The following STIM1 variants were observed in gnomAD, a reference collection of about 807,000 sequenced individuals.
The protein encoded by STIM1 is stromal interaction molecule 1.
STIM1 carries 25 observed loss-of-function variants against 74.7 expected under a neutral mutation model. That is an observed-to-expected ratio of 0.33 (90% confidence interval 0.24 to 0.47). STIM1 has a LOEUF of 0.47. Among genes scored for constraint, STIM1 ranks in the 20% least tolerant of loss-of-function variants. The probability of loss-of-function intolerance (pLI) is 1.00; values close to 1 mark genes in which losing one functional copy is unlikely to be tolerated. For missense variants in STIM1, 728 were observed against 920.8 expected, an observed-to-expected ratio of 0.79 and a Z score of 2.71; for synonymous variants, 328 against 348.8, an observed-to-expected ratio of 0.94 and a Z score of 0.66.
intron 1 of STIM1, among the ~76,000 whole-genome samples, chr11:3,960,997 C>T (rs2093279120): frequency 6.6e-6 from 1 of 151,896 alleles, no homozygotes; most frequent in Non-Finnish European, 1.5e-5. Flanking sequence ...ATCACCATGT[C>T]CCTGAAAGGT....
chr11:4,059,194 G>T lies in STIM1; in HGVS notation c.498-87G>T. 4 of 1,147,854 alleles carry T rather than the reference G, an allele frequency of 3.5e-6. No individual in the cohort carries two copies. The Admixed American group carries it at 7.1e-5, about 20-fold the overall frequency. The allele number at this position is 1,147,854 out of a possible 1,614,324, so 71.1% of individuals were successfully genotyped here. Reference sequence around the variant, plus strand: ...GGGGAGCAATCACCAAGAGCTAGAAGTGTTCCTGGGGGAGGCGGGTAATCC... The same window carrying T: ...GGGGAGCAATCACCAAGAGCTAGAATTGTTCCTGGGGGAGGCGGGTAATCC... On this transcript the variant is annotated intron_variant, in intron 4 of 12. Transcript: ENST00000526596.
At position 3,945,076 on chromosome 11, in the gene STIM1, C is replaced by G. The variant is rs549752146; in HGVS notation, c.140-22476C>G. Among the ~76,000 whole-genome samples the G allele has an allele frequency of 2.0e-5, 3 of 152,298 alleles. No homozygotes were observed. The South Asian group carries it at 6.2e-4, about 32-fold the overall frequency. On this transcript the variant is annotated intron_variant, in intron 1 of 12. Transcript: ENST00000526596. The stretch of plus-strand genomic sequence containing the variant: ...CTATTAGGAGTATAGGCTTTGGAGT[C>G]AAGCTGCCTGGGTTTGAATCCTTAC...
chr11:3,972,691 C>A (rs879504970), intron 2 of STIM1, among the ~76,000 whole-genome samples: 2 of 152,096 alleles, frequency 1.3e-5, no homozygotes, highest in Non-Finnish European at 2.9e-5. Context: ...TTCTTTGTAG[C>A]AGCTAGGCCC....
At chr11:3,971,385 C>T (rs188772010) in intron 2 of STIM1, among the ~76,000 whole-genome samples, 61 of 152,166 alleles carry the variant, frequency 4.0e-4, no homozygotes, top group African/African-American at 1.3e-3. Flanking sequence ...AAAAATTCTC[C>T]GGGCGTGGTG....
At chr11:3,920,425 A>T (rs1247613153) in intron 1 of STIM1, among the ~76,000 whole-genome samples, 1 of 152,162 alleles carries the variant, frequency 6.6e-6, no homozygotes, top group East Asian at 1.9e-4. Flanking sequence ...GAATTTGCCT[A>T]TTCTGAACAT....
chr11:4,033,837 G>A (rs992708794), intron 3 of STIM1, among the ~76,000 whole-genome samples: 3 of 151,898 alleles, frequency 2.0e-5, no homozygotes, highest in African/African-American at 7.2e-5. Flanking sequence ...CTGACCTCGT[G>A]ATCTGCCCGC....
intron 1 of STIM1, among the ~76,000 whole-genome samples, chr11:3,899,174 T>C (rs1441797597): frequency 2.0e-5 from 3 of 152,212 alleles, no homozygotes; most frequent in Non-Finnish European, 4.4e-5. Flanking sequence ...CATTTGTTTG[T>C]ATCCTCTTTT....
At chr11:4,048,576 C>A (rs1383558479) in intron 3 of STIM1, among the ~76,000 whole-genome samples, 3 of 152,138 alleles carry the variant, frequency 2.0e-5, no homozygotes, top group African/African-American at 7.2e-5. Flanking sequence ...AACTTTGATT[C>A]ATGATCTCAT....
At chr11:3,971,400 G>A (rs919898526) in intron 2 of STIM1, among the ~76,000 whole-genome samples, 13 of 152,150 alleles carry the variant, frequency 8.5e-5, no homozygotes, top group African/African-American at 3.1e-4. Flanking sequence ...GTGGTGGCGG[G>A]CGCCTGTAGT....
intron 1 of STIM1, among the ~76,000 whole-genome samples, chr11:3,881,724 C>T (rs1590521790): frequency 6.6e-6 from 1 of 151,664 alleles, no homozygotes; most frequent in African/African-American, 2.4e-5. Flanking sequence ...CGCTCTGTAG[C>T]CCAGGCTGGA....
At chr11:3,862,880 GCACA>G (rs58778371) in intron 1 of STIM1, among the ~76,000 whole-genome samples, 3,641 of 146,204 alleles carry the variant, frequency 0.025, 136 homozygotes, top group African/African-American at 0.084. Flanking sequence ...ACACACACAC[GCACA>G]CACACACACA....
At chr11:4,085,141 C>T (rs1474866054) in intron 11 of STIM1, among the ~76,000 whole-genome samples, 1 of 150,010 alleles carries the variant, frequency 6.7e-6, no homozygotes, top group African/African-American at 2.5e-5. Flanking sequence ...TCTCCCCCTT[C>T]CCCCCCCTAT....
intron 1 of STIM1, among the ~76,000 whole-genome samples, chr11:3,924,565 G>A (rs1000262384): frequency 6.6e-6 from 1 of 151,986 alleles, no homozygotes; most frequent in African/African-American, 2.4e-5. Context: ...ATAGTCAATA[G>A]TATTACTGTA....
intron 3 of STIM1, among the ~76,000 whole-genome samples, chr11:4,049,973 C>T (rs2094226717): frequency 6.6e-6 from 1 of 152,146 alleles, no homozygotes; most frequent in Non-Finnish European, 1.5e-5. Flanking sequence ...GAACAATACT[C>T]TCATAGACTA....
At chr11:4,082,128 A>C in intron 7 of STIM1, 56 bp from the exon 8 acceptor site, 3 of 1,561,366 alleles carry the variant, frequency 1.9e-6, no homozygotes, top group Non-Finnish European at 1.8e-6. Flanking sequence ...CATCATACAG[A>C]GATGTTGGAG....
At chr11:3,892,590 T>C (rs1381931074) in intron 1 of STIM1, 1 of 1,602,262 alleles carries the variant, frequency 6.2e-7, no homozygotes, top group Non-Finnish European at 8.6e-7. Context: ...GCATTTGCCA[T>C]GGACAAGATG....
At chr11:3,898,903 G>A (rs1264458979) in intron 1 of STIM1, among the ~76,000 whole-genome samples, 1 of 151,834 alleles carries the variant, frequency 6.6e-6, no homozygotes, top group East Asian at 1.9e-4. Context: ...GTACCATGCT[G>A]TTTTGGTTAC....
At chr11:3,969,368 A>C (rs1368804206) in intron 2 of STIM1, among the ~76,000 whole-genome samples, 1 of 152,148 alleles carries the variant, frequency 6.6e-6, no homozygotes, top group Non-Finnish European at 1.5e-5. Context: ...CTGTAGTCTC[A>C]GCTACTCTGA....
chr11:4,058,811 A>G lies in STIM1; in HGVS notation c.498-470A>G, dbSNP rs146653778. ...TTTTCCTTTTCTATATTTCATTTCA[A>G]TAGCACATTAGCAGGTTTATATATA... On this transcript the variant is annotated intron_variant, in intron 4 of 12. Transcript: ENST00000526596. The G allele has an allele frequency of 3.7e-4, 362 of 990,246 alleles. No individual in the cohort carries two copies. In the African/African-American group the frequency reaches 5.4e-3, roughly 15 times the overall value. 61.3% of individuals were successfully genotyped at this position (990,246 alleles called of 1,614,324 possible).
Sources: allele counts gnomAD v4.1 joint callset (sites outside exome capture counted in the v4.1 genomes callset), GRCh38; gene constraint gnomAD v4.1.1; transcripts MANE v1.5; gene names NCBI Gene and HGNC (gene_info 2026-07-23, HGNC 2026-07-21).